DDX10: variants seen among roughly 807,000 people sequenced by gnomAD.
DDX10 encodes the protein probable ATP-dependent RNA helicase DDX10.
Under a neutral mutation model 104.3 loss-of-function variants are expected in DDX10, and 74 were observed. The ratio of observed to expected loss-of-function variants is 0.71; its 90% CI spans 0.59 to 0.86. DDX10 has a LOEUF of 0.86. Among genes scored for constraint, DDX10 ranks in the 40% least tolerant of loss-of-function variants. DDX10 has a pLI of 0.00. For synonymous variants in DDX10, 351 were observed against 353.4 expected (o/e 0.99, Z 0.08); for missense variants, 952 against 1,040.0 (o/e 0.92, Z 1.16).
chr11:108,910,952 C>T (rs2134657653), intron 16 of DDX10, among the ~76,000 whole-genome samples: 1 of 152,048 alleles, frequency 6.6e-6, no homozygotes, highest in African/African-American at 2.4e-5. Context: ...ATGTTGACAG[C>T]CAGAATGCAT....
chr11:108,875,313 T>A (rs2134627205), intron 16 of DDX10, among the ~76,000 whole-genome samples: 1 of 152,298 alleles, frequency 6.6e-6, no homozygotes, highest in East Asian at 1.9e-4. Context: ...TTATCTCTAT[T>A]GAGAACTTAA....
intron 16 of DDX10, among the ~76,000 whole-genome samples, chr11:108,880,555 A>C (rs1202976043): frequency 6.6e-6 from 1 of 152,230 alleles, no homozygotes; most frequent in African/African-American, 2.4e-5. Flanking sequence ...TAATCTGGTA[A>C]ATATGATAGC....
chr11:108,691,025 A>T (rs187506200), intron 7 of DDX10: 7 of 152,394 alleles, frequency 4.6e-5, no homozygotes, highest in African/African-American at 1.7e-4. Context: ...GCTATCTCTG[A>T]TACTTGCCTG....
At chr11:108,903,682 C>T (rs753242981) in intron 16 of DDX10, among the ~76,000 whole-genome samples, 10 of 152,012 alleles carry the variant, frequency 6.6e-5, no homozygotes, top group Non-Finnish European at 1.3e-4. Context: ...ACTTCAGCAC[C>T]CATGGTTTTT....
chr11:108,744,277 G>A (rs894020266), intron 13 of DDX10, among the ~76,000 whole-genome samples: 1 of 152,158 alleles, frequency 6.6e-6, no homozygotes, highest in African/African-American at 2.4e-5. Context: ...TGTATGAAAT[G>A]TAAAGCCTTA....
intron 3 of DDX10, 118 bp downstream of exon 3, chr11:108,675,844 A>C: frequency 1.5e-6 from 2 of 1,321,036 alleles, no homozygotes; most frequent in African/African-American, 1.5e-5. Context: ...GATTGGCTAG[A>C]ATGCGAGCTT....
chr11:108,764,009 AT>A (rs2094353693), intron 13 of DDX10, among the ~76,000 whole-genome samples: 2 of 152,198 alleles, frequency 1.3e-5, no homozygotes, highest in Non-Finnish European at 2.9e-5. Context: ...AATAATGAGA[AT>A]TGTAGAAATA....
At chr11:108,695,926 T>G (rs2094259222) in intron 9 of DDX10, among the ~76,000 whole-genome samples, 1 of 152,210 alleles carries the variant, frequency 6.6e-6, no homozygotes, top group African/African-American at 2.4e-5. Flanking sequence ...ATAGGATTTA[T>G]GAATTAGTGG....
chr11:108,785,107 T>C (rs902560258), intron 13 of DDX10, among the ~76,000 whole-genome samples: 1 of 152,200 alleles, frequency 6.6e-6, no homozygotes, highest in African/African-American at 2.4e-5. Context: ...ACAGTATTGT[T>C]TGAAGTTGGG....
intron 13 of DDX10, among the ~76,000 whole-genome samples, chr11:108,801,885 A>G (rs1358204676): frequency 6.6e-6 from 1 of 152,206 alleles, no homozygotes; most frequent in Non-Finnish European, 1.5e-5. Context: ...GCTCCTTTTT[A>G]AAATACAACA....
intron 13 of DDX10, among the ~76,000 whole-genome samples, chr11:108,782,845 C>T (rs1197905507): frequency 6.6e-6 from 1 of 152,106 alleles, no homozygotes; most frequent in African/African-American, 2.4e-5. Context: ...GAGACCAAAT[C>T]ACGAAAGAGT....
intron 16 of DDX10, among the ~76,000 whole-genome samples, chr11:108,864,122 A>C (rs751066799): frequency 6.6e-6 from 1 of 152,202 alleles, no homozygotes; most frequent in African/African-American, 2.4e-5. Flanking sequence ...TTTGTGAACT[A>C]TGAATCACAT....
intron 13 of DDX10, among the ~76,000 whole-genome samples, chr11:108,743,384 A>G (rs1195366498): frequency 6.6e-6 from 1 of 152,166 alleles, no homozygotes; most frequent in East Asian, 1.9e-4. Context: ...CGTCAAAATA[A>G]TAAGAGCAAG....
chr11:108,858,737 C>T (rs537573389), intron 16 of DDX10, among the ~76,000 whole-genome samples: 1 of 152,284 alleles, frequency 6.6e-6, no homozygotes, highest in Non-Finnish European at 1.5e-5. Flanking sequence ...ATGAGTTGTC[C>T]TAAGATGTGC....
chr11:108,903,950 G>A lies in DDX10; in HGVS notation c.2305-13923G>A, dbSNP rs548476629. 2.1e-4 allele frequency among the ~76,000 whole-genome samples: 32 copies of A among 152,270 alleles called. No homozygotes were observed. The South Asian group carries it at 6.2e-3, about 30-fold the overall frequency. On this transcript the variant is annotated intron_variant, in intron 16 of 17. Coordinates refer to ENST00000322536, the MANE Select transcript of DDX10 (RefSeq NM_004398.4). ...TGGGTATATACCTAGGATTGTAGTT[G>A]CTGTGTTGCATGATAACTTTATGAT...
At chr11:108,791,453 A>G (rs1861870059) in intron 13 of DDX10, among the ~76,000 whole-genome samples, 1 of 152,224 alleles carries the variant, frequency 6.6e-6, no homozygotes, top group East Asian at 1.9e-4. Flanking sequence ...TTTTAAAATC[A>G]GTTTTAGTGA....
At chr11:108,799,083 G>A (rs965364850) in intron 13 of DDX10, among the ~76,000 whole-genome samples, 1 of 152,128 alleles carries the variant, frequency 6.6e-6, no homozygotes, top group Non-Finnish European at 1.5e-5. Context: ...TTACTGAGTG[G>A]TAGATATGAT....
intron 13 of DDX10, among the ~76,000 whole-genome samples, chr11:108,792,015 A>C (rs1359098300): frequency 6.6e-6 from 1 of 152,072 alleles, no homozygotes; most frequent in Non-Finnish European, 1.5e-5. Context: ...TTGGTGTTTT[A>C]ATTTGCATAT....
intron 16 of DDX10, among the ~76,000 whole-genome samples, chr11:108,869,177 CT>C: frequency 7.3e-6 from 1 of 136,456 alleles, no homozygotes; most frequent in South Asian, 2.5e-4. Flanking sequence ...AACTCTGGTT[CT>C]TTCATTTTTA....
Sources: allele counts gnomAD v4.1 joint callset (sites outside exome capture counted in the v4.1 genomes callset), GRCh38; gene constraint gnomAD v4.1.1; transcripts MANE v1.5; gene names NCBI Gene and HGNC (gene_info 2026-07-23, HGNC 2026-07-21).